GDAP1L1: variants seen among roughly 807,000 people sequenced by gnomAD.
The protein encoded by GDAP1L1 is ganglioside-induced differentiation-associated protein 1-like 1.
GDAP1L1 carries 21 observed loss-of-function variants against 37.1 expected under a neutral mutation model. The ratio of observed to expected loss-of-function variants is 0.57; its 90% CI spans 0.40 to 0.81. GDAP1L1 has a LOEUF of 0.81. Ranked by LOEUF, GDAP1L1 falls within the 40% of genes least tolerant of loss-of-function variation. The pLI is 0.00. For missense variants in GDAP1L1, 362 were observed against 491.6 expected, an observed-to-expected ratio of 0.74 and a Z score of 2.49; for synonymous variants, 193 against 209.1, an observed-to-expected ratio of 0.92 and a Z score of 0.67.
intron 5 of GDAP1L1, among the ~76,000 whole-genome samples, chr20:44,276,466 A>G (rs1054499269): frequency 7.3e-6 from 1 of 136,986 alleles, no homozygotes; most frequent in South Asian, 2.4e-4. Flanking sequence ...GAAAGAAAGA[A>G]AAAGAAAGGC....
intron 4 of GDAP1L1, among the ~76,000 whole-genome samples, 170 bp from the exon 5 acceptor site, chr20:44,264,275 T>G (rs1353513342): frequency 6.6e-6 from 1 of 150,482 alleles, no homozygotes; most frequent in Non-Finnish European, 1.5e-5. Flanking sequence ...CTCACAGGAC[T>G]GTTGTAGGCA....
intron 3 of GDAP1L1, among the ~76,000 whole-genome samples, chr20:44,262,562 G>A (rs560087665): frequency 6.6e-6 from 1 of 152,048 alleles, no homozygotes; most frequent in South Asian, 2.1e-4. Context: ...TCCTCCGTGA[G>A]GTCTCTCAGC....
chr20:44,268,291 C>A (rs1052730126), intron 5 of GDAP1L1, among the ~76,000 whole-genome samples: 2 of 152,194 alleles, frequency 1.3e-5, no homozygotes, highest in African/African-American at 4.8e-5. Context: ...GTAATAGAAT[C>A]AAACTCATAG....
chr20:44,266,383 G>C (rs560941573), intron 5 of GDAP1L1, among the ~76,000 whole-genome samples: 11 of 151,710 alleles, frequency 7.3e-5, no homozygotes, highest in Admixed American at 6.6e-4. Context: ...CTGTTGCAGA[G>C]TTAATGGCTC....
intron 4 of GDAP1L1, 67 bp downstream of exon 4, chr20:44,263,394 G>A: frequency 9.3e-7 from 1 of 1,071,814 alleles, no homozygotes; most frequent in Non-Finnish European, 1.4e-6. Flanking sequence ...AACAATAGGA[G>A]AAACTAAGTA....
chr20:44,252,822 C>CAA (rs3091993), intron 1 of GDAP1L1, among the ~76,000 whole-genome samples: 72 of 123,100 alleles, frequency 5.8e-4, no homozygotes, highest in African/African-American at 1.8e-3. Flanking sequence ...GACCCTGTCT[C>CAA]AAAAAAAAAA....
chr20:44,272,168 G>C (rs1036217662), intron 5 of GDAP1L1, among the ~76,000 whole-genome samples: 1 of 152,206 alleles, frequency 6.6e-6, no homozygotes, highest in South Asian at 2.1e-4. Flanking sequence ...ACATGGAGAA[G>C]GGGGAGGAGC....
rs375742434 is a variant in GDAP1L1 at position 44,263,314 on chromosome 20, A to C, written c.632A>C (p.Gln211Pro). ...CTCTCCGAGCCCTACCTTTCTAAAC[A>C]AAAGAAGCTCATGGTGAGTACCTCC... ...PQLSEPYLSK[Q>P]KKLMAKILEH... is the part of the protein sequence containing the mutation. Residue 211 changes from glutamine to proline, a missense_variant, in exon 4 of 6, where the codon CAA (glutamine) becomes CCA (proline). Physicochemically the swap from Gln to Pro is moderately conservative, Grantham distance 76. This residue lies in a region of GDAP1L1 where 277 missense variants were observed against 337.1 expected (regional missense o/e 0.82). Transcript: ENST00000342560. 6.8e-6 allele frequency: 11 copies of C among 1,613,674 alleles called. No individual in the cohort carries two copies. The highest frequency in any genetic ancestry group is 9.3e-6 in the Non-Finnish European group (11 of 1,179,566).
Position 44,247,406 on chromosome 20 carries a change from G to C in GDAP1L1, c.72G>C (p.Ala24=). The change falls in exon 1 of 6, where the codon GCG becomes GCC. Residue 24 remains alanine (A), a synonymous_variant. Transcript: ENST00000342560. The part of the protein sequence containing the change: ...WWPISALESD[A]AKPAEAPDAP... ...CCATCTCCGCGCTGGAGAGCGATGC[G>C]GCCAAGCCAGCGGAGGCCCCCGACG... 2 of 1,612,280 alleles carry C rather than the reference G, an allele frequency of 1.2e-6. No homozygotes were observed. The highest frequency in any genetic ancestry group is 1.7e-6 in the Non-Finnish European group (2 of 1,179,632).
chr20:44,273,801 C>T (rs1004113995), intron 5 of GDAP1L1, among the ~76,000 whole-genome samples: 1 of 152,180 alleles, frequency 6.6e-6, no homozygotes, highest in Non-Finnish European at 1.5e-5. Flanking sequence ...CCCCCACATC[C>T]TCACTCAGAA....
At chr20:44,256,240 G>A (rs891878405) in intron 1 of GDAP1L1, among the ~76,000 whole-genome samples, 2 of 152,186 alleles carry the variant, frequency 1.3e-5, no homozygotes, top group African/African-American at 4.8e-5. Flanking sequence ...TCTAGGGGCT[G>A]TTGTGAGTTT....
In GDAP1L1 at chr20:44,257,349, C is replaced by T. The variant is rs199597260; in HGVS notation, c.373+4C>T. The T allele has an allele frequency of 3.5e-5, 57 of 1,610,432 alleles. No homozygotes were observed. Among genetic ancestry groups the T allele is most frequent in the Admixed American group, 2.7e-4 (16 of 59,768 alleles). The stretch of plus-strand genomic sequence containing the variant: ...GTGGAGCGCACCTTCACAGGAGGTA[C>T]GGCTGCCTCCCCACCCAGGGGCCCA... On this transcript the variant is annotated splice_donor_region_variant and intron_variant, in intron 2 of 5. Transcript: ENST00000342560.
At chr20:44,271,267 G>GT (rs1281401923) in intron 5 of GDAP1L1, among the ~76,000 whole-genome samples, 1 of 152,092 alleles carries the variant, frequency 6.6e-6, no homozygotes, top group African/African-American at 2.4e-5. Context: ...TAATAAAAAC[G>GT]TAACTACCAC....
chr20:44,274,996 C>G (rs1240723587), intron 5 of GDAP1L1, among the ~76,000 whole-genome samples: 1 of 152,128 alleles, frequency 6.6e-6, no homozygotes, highest in Non-Finnish European at 1.5e-5. Flanking sequence ...GGGCTCGAGC[C>G]ATCCTCCTGC....
intron 5 of GDAP1L1, chr20:44,264,798 A>G: frequency 8.6e-7 from 1 of 1,156,294 alleles, no homozygotes; most frequent in Non-Finnish European, 1.1e-6. Flanking sequence ...TGGGGATAAT[A>G]GTAGGACCTG....
intron 5 of GDAP1L1, 116 bp downstream of exon 5, chr20:44,264,675 G>A (rs2073733864): frequency 6.6e-7 from 1 of 1,506,728 alleles, no homozygotes; most frequent in Non-Finnish European, 8.9e-7. Flanking sequence ...AGGTGGTTAA[G>A]AGGATGGGCT....
intron 1 of GDAP1L1, among the ~76,000 whole-genome samples, chr20:44,254,415 A>G (rs1385554977): frequency 6.6e-6 from 1 of 152,212 alleles, no homozygotes; most frequent in Non-Finnish European, 1.5e-5. Context: ...ACTCTCTGCA[A>G]CAGTTTTTCC....
chr20:44,273,004 A>G (rs372094451), intron 5 of GDAP1L1, among the ~76,000 whole-genome samples: 3 of 152,246 alleles, frequency 2.0e-5, no homozygotes, highest in Admixed American at 6.5e-5. Flanking sequence ...TAAAGAACTC[A>G]TGTACTGAAA....
At chr20:44,249,108 T>C (rs1313515495) in intron 1 of GDAP1L1, among the ~76,000 whole-genome samples, 1 of 151,962 alleles carries the variant, frequency 6.6e-6, no homozygotes, top group African/African-American at 2.4e-5. Context: ...TGATTTTGGC[T>C]CACTGCAACT....
Sources: gnomAD v4.1 joint callset for allele counts (sites outside exome capture counted in the v4.1 genomes callset) on GRCh38, gnomAD v4.1.1 for gene constraint, gnomAD v4.1.1 regional missense constraint, MANE v1.5 for transcripts, NCBI Gene and HGNC (gene_info 2026-07-23, HGNC 2026-07-21) for gene names.